The following NR4A3 variants were observed in gnomAD, a reference collection of about 807,000 sequenced individuals.
The protein encoded by NR4A3 is nuclear receptor subfamily 4 group A member 3, also known as chondrosarcoma, extraskeletal myxoid, fused to EWS.
Under a neutral mutation model 55.6 loss-of-function variants are expected in NR4A3, and 13 were observed. That is an observed-to-expected ratio of 0.23 (90% CI 0.15 to 0.37). The LOEUF is 0.37. Ranked by LOEUF, NR4A3 falls within the 10% of genes least tolerant of loss-of-function variation. The pLI is 1.00. For synonymous variants in NR4A3, 342 were observed against 357.9 expected, an observed-to-expected ratio of 0.96 and a Z score of 0.50; for missense variants, 646 against 822.8, an observed-to-expected ratio of 0.79 and a Z score of 2.63.
At position 99,847,614 on chromosome 9, in the gene NR4A3, A is replaced by C; in HGVS notation, c.1632A>C (p.Thr544=). ...GCCTGTCAGCACTGAGCATGATCAC[A>C]GGTAAGCACCACCTTGCCAAAACCG... The part of the protein sequence containing the change: ...LACLSALSMI[T]ERHGLKEPKR... Residue 544 remains threonine (T), a splice_region_variant and synonymous_variant, in exon 7 of 8, where the codon ACA becomes ACC. Coordinates refer to ENST00000395097, the MANE Select transcript of NR4A3 (RefSeq NM_006981.4). The C allele has an allele frequency of 6.2e-7, 1 of 1,613,580 alleles. No individual in the cohort carries two copies. Among genetic ancestry groups the C allele is most frequent in the Non-Finnish European group, 8.5e-7 (1 of 1,179,706 alleles).
At chr9:99,846,725 G>C (rs547512744) in intron 6 of NR4A3, among the ~76,000 whole-genome samples, 1 of 152,310 alleles carries the variant, frequency 6.6e-6, no homozygotes, top group African/African-American at 2.4e-5. Context: ...TTGGCTCACT[G>C]CAACCTCCGC....
intron 2 of NR4A3, among the ~76,000 whole-genome samples, chr9:99,827,284 GTGTGTGTA>G (rs1482916273): frequency 6.8e-4 from 93 of 137,724 alleles, no homozygotes; most frequent in African/African-American, 2.1e-3. Context: ...GTGTGTGTGT[GTGTGTGTA>G]TATATATATA....
At position 99,828,443 on chromosome 9, in the gene NR4A3, A is replaced by C; in HGVS notation, c.401A>C (p.Tyr134Ser). The C allele has an allele frequency of 6.3e-7, 1 of 1,580,494 alleles. No individual in the cohort carries two copies. The highest frequency in any genetic ancestry group is 1.2e-5 in the South Asian group (1 of 84,584). The change falls in exon 3 of 8, where the codon TAC (tyrosine) becomes TCC (serine). Residue 134 changes from tyrosine to serine, a missense_variant. Transcript: ENST00000395097. This position sits in a 1 kb window ranked among gnomAD's most constrained non-coding sequence, Gnocchi z 7.7. ...EDEVLPSTSM[Y>S]FKQSPPSTPT... ...GAGGTGCTGCCCAGCACCTCCATGTACTTCAAGCAGTCCCCACCGTCCACC... is the reference window on the plus strand; with the variant it reads ...GAGGTGCTGCCCAGCACCTCCATGTCCTTCAAGCAGTCCCCACCGTCCACC...
intron 7 of NR4A3, among the ~76,000 whole-genome samples, chr9:99,850,541 C>T (rs1827829732): frequency 6.6e-6 from 1 of 152,174 alleles, no homozygotes; most frequent in South Asian, 2.1e-4. Context: ...CCTGCAGTTA[C>T]AGCTGCTCAG....
In NR4A3 at chr9:99,864,087, C is replaced by A; in HGVS notation, c.*220C>A. ...GTTGGGGTTGTGTTTTATATTTAGG[C>A]ATTGGGGGATGGGGTGGGAGGGGGT... On this transcript the variant is annotated 3_prime_UTR_variant, in exon 8 of 8. Coordinates refer to ENST00000395097, the MANE Select transcript of NR4A3 (RefSeq NM_006981.4). 35 of 400,788 alleles carry A rather than the reference C, an allele frequency of 8.7e-5. No individual in the cohort carries two copies. The highest frequency in any genetic ancestry group is 7.0e-4 in the Middle Eastern group (1 of 1,438). The allele number at this position is 400,788 out of a possible 1,614,324, so 24.8% of individuals were successfully genotyped here. A position where few individuals can be genotyped will look rare whatever the true frequency, so the allele number is the denominator to read the frequency against.
intron 7 of NR4A3, among the ~76,000 whole-genome samples, chr9:99,863,050 A>G (rs920347247): frequency 6.6e-6 from 1 of 152,226 alleles, no homozygotes; most frequent in South Asian, 2.1e-4. Flanking sequence ...ACAGGAATGC[A>G]CTTTGCTGTG....
chr9:99,852,988 G>A (rs1447188350), intron 7 of NR4A3, among the ~76,000 whole-genome samples: 1 of 152,156 alleles, frequency 6.6e-6, no homozygotes, highest in Non-Finnish European at 1.5e-5. Flanking sequence ...AACAAAAATG[G>A]TGGGAGAGGG....
chr9:99,841,280 G>T (rs1432453570), intron 5 of NR4A3, among the ~76,000 whole-genome samples: 4 of 151,528 alleles, frequency 2.6e-5, no homozygotes. Context: ...TATGACATAG[G>T]ATCGTGCCGC....
Position 99,862,549 on chromosome 9 carries a change from C to CAAAAAAAAAAAAAAAAAAAAA in NR4A3, c.1634-1057_1634-1037dup, listed in dbSNP as rs59274273. Among the ~76,000 whole-genome samples the CAAAAAAAAAAAAAAAAAAAAA allele has an allele frequency of 6.2e-4, 45 of 72,806 alleles. 1 individual carries two copies. Among genetic ancestry groups the CAAAAAAAAAAAAAAAAAAAAA allele is most frequent in the South Asian group, 8.1e-4 (1 of 1,242 alleles). The allele number at this position is 72,806 out of a possible 152,430, so 47.8% of individuals were successfully genotyped here. On this transcript the variant is annotated intron_variant, in intron 7 of 7. Coordinates refer to ENST00000395097, the MANE Select transcript of NR4A3 (RefSeq NM_006981.4). ...TAGGCAACAGAGTAAGACTCTGTCT[C>CAAAAAAAAAAAAAAAAAAAAA]AAAAAAAAAAAAAAAAAAAAAAAAA...
intron 5 of NR4A3, among the ~76,000 whole-genome samples, chr9:99,834,514 A>T (rs1449255638): frequency 1.3e-5 from 2 of 152,002 alleles, no homozygotes; most frequent in Non-Finnish European, 2.9e-5. Context: ...AAAACAAAAA[A>T]CCTTAGAAAC....
Position 99,863,752 on chromosome 9 carries a change from A to T in NR4A3, c.1766A>T (p.Glu589Val). ...TCCAAGGTCCTGGGTGCCCTGGTAGAACTGAGGAAGATCTGCACCCTGGGC... is the reference window on the plus strand; with the variant it reads ...TCCAAGGTCCTGGGTGCCCTGGTAGTACTGAGGAAGATCTGCACCCTGGGC... Reference protein sequence around the residue: ...TESKVLGALVELRKICTLGLQ... With the variant: ...TESKVLGALVVLRKICTLGLQ... Residue 589 changes from glutamate (E) to valine (V), a missense_variant, in exon 8 of 8, where the codon GAA (glutamate) becomes GTA (valine). This residue lies in a region of NR4A3 where 163 missense variants were observed against 233.0 expected (regional missense o/e 0.70). Transcript: ENST00000395097. 1 of 1,612,864 alleles carries T rather than the reference A, an allele frequency of 6.2e-7. No individual in the cohort carries two copies.
intron 5 of NR4A3, among the ~76,000 whole-genome samples, chr9:99,841,733 GGGAGTTCAAGACCTGCCTAGGCAATATA>G (rs547328206): frequency 0.1 from 15,950 of 152,068 alleles, 1,018 homozygotes; most frequent in Non-Finnish European, 0.14. Flanking sequence ...TAGGCAATAT[GGGAGTTCAAGACCTGCCTAGGCAATATA>G]GGAGTTCAAG....
intron 5 of NR4A3, chr9:99,835,026 A>G: frequency 1.6e-6 from 1 of 608,604 alleles, no homozygotes; most frequent in Non-Finnish European, 2.1e-6. Context: ...TGAGCAACTG[A>G]TTACACCCTT....
At chr9:99,847,920 T>C (rs570258579) in intron 7 of NR4A3, among the ~76,000 whole-genome samples, 1 of 152,312 alleles carries the variant, frequency 6.6e-6, no homozygotes, top group South Asian at 2.1e-4. Context: ...GTTTGTTTGT[T>C]TTGAGACAGG....
In NR4A3 at chr9:99,833,314, G is replaced by A; in HGVS notation, c.1114G>A (p.Gly372Ser). The change falls in exon 5 of 8, where the codon GGT becomes AGT. Residue 372 changes from glycine to serine, a missense_variant. Gly to Ser is a moderately conservative substitution (Grantham distance 56). Coordinates refer to ENST00000395097, the MANE Select transcript of NR4A3 (RefSeq NM_006981.4). ...TACAGATAGTCTGAAAGGGAGGAGAGGTCGTCTGCCTTCCAAACCAAAGAG... is the reference window on the plus strand; with the variant it reads ...TACAGATAGTCTGAAAGGGAGGAGAAGTCGTCTGCCTTCCAAACCAAAGAG... ...VRTDSLKGRR[G>S]RLPSKPKSPL... 6.2e-7 allele frequency: 1 copy of A among 1,613,652 alleles called. No homozygotes were observed. Among genetic ancestry groups the A allele is most frequent in the Non-Finnish European group, 8.5e-7 (1 of 1,179,776 alleles).
intron 7 of NR4A3, among the ~76,000 whole-genome samples, chr9:99,851,329 T>G (rs184921908): frequency 2.4e-3 from 365 of 152,334 alleles, no homozygotes; most frequent in African/African-American, 8.2e-3. Context: ...CCATGGATCT[T>G]GACTTCTGAA....
intron 7 of NR4A3, among the ~76,000 whole-genome samples, chr9:99,860,487 G>A (rs550980489): frequency 1.3e-5 from 2 of 152,298 alleles, no homozygotes; most frequent in Admixed American, 1.3e-4. Context: ...CAGAGGCTAT[G>A]AACGATTTAT....
Position 99,825,861 on chromosome 9 carries a change from C to G in NR4A3, c.-3+29C>G, listed in dbSNP as rs1827286699. 1.1e-5 allele frequency: 2 copies of G among 177,590 alleles called. No individual in the cohort carries two copies. Among genetic ancestry groups the G allele is most frequent in the South Asian group, 2.0e-4 (1 of 5,046 alleles). 11.0% of individuals were successfully genotyped at this position (177,590 alleles called of 1,614,324 possible). On this transcript the variant is annotated intron_variant, in intron 2 of 7. Coordinates refer to ENST00000395097, the MANE Select transcript of NR4A3 (RefSeq NM_006981.4). This position sits in a 1 kb window ranked among gnomAD's most constrained non-coding sequence, Gnocchi z 5.0. ...GGTCCGAAGGCAAGACCCTTTTCTCCTCCCTGGCTGAGGGAAGTGGGTGGG... is the reference window on the plus strand; with the variant it reads ...GGTCCGAAGGCAAGACCCTTTTCTCGTCCCTGGCTGAGGGAAGTGGGTGGG...
chr9:99,842,842 G>A (rs1459251904), intron 5 of NR4A3, among the ~76,000 whole-genome samples: 1 of 152,170 alleles, frequency 6.6e-6, no homozygotes, highest in Non-Finnish European at 1.5e-5. Flanking sequence ...ACTATTGGTT[G>A]TGTAACTTGA....
Sources: allele counts gnomAD v4.1 joint callset (sites outside exome capture counted in the v4.1 genomes callset), GRCh38; gene constraint gnomAD v4.1.1; regional missense constraint gnomAD v4.1.1; non-coding constraint Gnocchi (gnomAD v3.1); transcripts MANE v1.5; gene names NCBI Gene and HGNC (gene_info 2026-07-23, HGNC 2026-07-21).